SLC4A10: variants seen among roughly 807,000 people sequenced by gnomAD.
SLC4A10 encodes the protein sodium-driven chloride bicarbonate exchanger.
In SLC4A10, 42 loss-of-function variants were observed where a neutral mutation model predicts 137.7. That is an observed-to-expected ratio of 0.30 (90% CI 0.24 to 0.39). The LOEUF (loss-of-function observed/expected upper bound fraction) is 0.39, where lower values mean the gene tolerates loss of function less well. Ranked by LOEUF, SLC4A10 falls within the 10% of genes least tolerant of loss-of-function variation. The probability of loss-of-function intolerance (pLI) is 1.00; values close to 1 mark genes in which losing one functional copy is unlikely to be tolerated. For synonymous variants in SLC4A10, 474 were observed against 464.1 expected (o/e 1.02, Z -0.27); for missense variants, 925 against 1,355.0 (o/e 0.68, Z 4.98).
At chr2:161,695,783 C>CTTAAGT (rs567343137) in intron 1 of SLC4A10, among the ~76,000 whole-genome samples, 72 of 152,222 alleles carry the variant, frequency 4.7e-4, no homozygotes, top group African/African-American at 1.7e-3. Flanking sequence ...TTAAGAGCTT[C>CTTAAGT]TTAATAGGCT....
intron 3 of SLC4A10, among the ~76,000 whole-genome samples, chr2:161,822,377 G>A (rs1381231319): frequency 6.6e-6 from 1 of 152,184 alleles, no homozygotes; most frequent in East Asian, 1.9e-4. Flanking sequence ...AAGTGATTGG[G>A]TAGTCAGAAC....
Position 161,862,264 on chromosome 2 carries a change from G to A in SLC4A10, c.578-610G>A, listed in dbSNP as rs148408511. Among the ~76,000 whole-genome samples, 651 of 152,100 alleles carry A rather than the reference G, an allele frequency of 4.3e-3. 5 individuals are homozygous for A. The highest frequency in any genetic ancestry group is 4.7e-3 in the Non-Finnish European group (320 of 67,990). On this transcript the variant is annotated intron_variant, in intron 5 of 26. Coordinates refer to ENST00000446997, the MANE Select transcript of SLC4A10 (RefSeq NM_001178015.2). The stretch of plus-strand genomic sequence containing the variant: ...GTGTTTCCAGCAAAGTTTGAGAAAG[G>A]GCTGATTTTCTATCCATATGAAACA...
chr2:161,794,335 C>T lies in SLC4A10; in HGVS notation c.131-10114C>T, dbSNP rs569971870. Among the ~76,000 whole-genome samples the T allele has an allele frequency of 2.0e-3, 302 of 152,126 alleles. 1 individual carries two copies. The highest frequency in any genetic ancestry group is 6.9e-3 in the African/African-American group (287 of 41,552). Reference sequence around the variant, plus strand: ...AGCATAGTGCCTATAGCTAAAAATACTGTATCGTATACTTAAAATCTTCCA... The same window carrying T: ...AGCATAGTGCCTATAGCTAAAAATATTGTATCGTATACTTAAAATCTTCCA... On this transcript the variant is annotated intron_variant, in intron 2 of 26. Coordinates refer to ENST00000446997, the MANE Select transcript of SLC4A10 (RefSeq NM_001178015.2).
rs187395288 is a variant in SLC4A10, at chr2:161,821,657, T to C, written c.277+17062T>C. On this transcript the variant is annotated intron_variant, in intron 3 of 26. Coordinates refer to ENST00000446997, the MANE Select transcript of SLC4A10 (RefSeq NM_001178015.2). ...AACAATTTTTAACAGGAAGATTTTT[T>C]CTGATTTTGATAGTACTGCAATTTA... Among the ~76,000 whole-genome samples, 19 of 152,334 alleles carry C rather than the reference T, an allele frequency of 1.2e-4. No individual in the cohort carries two copies. In the East Asian group the frequency reaches 3.3e-3, roughly 26 times the overall value.
intron 1 of SLC4A10, among the ~76,000 whole-genome samples, chr2:161,652,900 G>A (rs1014844076): frequency 3.3e-5 from 5 of 150,174 alleles, no homozygotes; most frequent in African/African-American, 9.8e-5. Context: ...TGTGCATAAC[G>A]TGCAGGTTTG....
At chr2:161,981,808 T>C (rs949810296) in intron 26 of SLC4A10, among the ~76,000 whole-genome samples, 6 of 152,192 alleles carry the variant, frequency 3.9e-5, no homozygotes, top group African/African-American at 1.4e-4. Context: ...GTAAGTAGTA[T>C]GTGCTGAGAA....
intron 1 of SLC4A10, among the ~76,000 whole-genome samples, chr2:161,735,944 A>G (rs958162980): frequency 3.9e-5 from 6 of 152,202 alleles, no homozygotes; most frequent in Non-Finnish European, 8.8e-5. Context: ...TTGTCTGACC[A>G]GTATATGCAG....
chr2:161,638,651 T>A (rs2034815563), intron 1 of SLC4A10, among the ~76,000 whole-genome samples: 1 of 152,140 alleles, frequency 6.6e-6, no homozygotes, highest in Non-Finnish European at 1.5e-5. Flanking sequence ...TTTCTGTTTT[T>A]GTGAAGACTG....
intron 1 of SLC4A10, among the ~76,000 whole-genome samples, chr2:161,671,129 C>T (rs372324087): frequency 6.6e-6 from 1 of 152,086 alleles, no homozygotes; most frequent in African/African-American, 2.4e-5. Flanking sequence ...AAGGTGGCGC[C>T]TTTAAGAGAT....
chr2:161,641,597 A>G (rs2035332741), intron 1 of SLC4A10, among the ~76,000 whole-genome samples: 1 of 152,112 alleles, frequency 6.6e-6, no homozygotes, highest in Non-Finnish European at 1.5e-5. Context: ...TGTATTGTGA[A>G]TATAGTAGTA....
At chr2:161,685,808 T>C (rs1320721533) in intron 1 of SLC4A10, among the ~76,000 whole-genome samples, 1 of 152,162 alleles carries the variant, frequency 6.6e-6, no homozygotes, top group Non-Finnish European at 1.5e-5. Flanking sequence ...AGCTGTATCA[T>C]CCAAGGTTAT....
chr2:161,906,826 G>A (rs191064378), intron 15 of SLC4A10, among the ~76,000 whole-genome samples: 10 of 152,040 alleles, frequency 6.6e-5, no homozygotes, highest in Admixed American at 2.0e-4. Flanking sequence ...AGGCCGAGGC[G>A]GGCGGATCAC....
At chr2:161,941,024 G>A (rs556460566) in intron 15 of SLC4A10, among the ~76,000 whole-genome samples, 1 of 152,238 alleles carries the variant, frequency 6.6e-6, no homozygotes, top group South Asian at 2.1e-4. Flanking sequence ...TTATGTCCCA[G>A]GACATTGTAA....
chr2:161,980,575 C>T (rs761207764), intron 26 of SLC4A10, among the ~76,000 whole-genome samples: 1 of 151,970 alleles, frequency 6.6e-6, no homozygotes, highest in African/African-American at 2.4e-5. Context: ...CTTCAACCTG[C>T]GACGTGGAGG....
intron 9 of SLC4A10, among the ~76,000 whole-genome samples, chr2:161,880,413 A>G (rs2061693785): frequency 6.6e-6 from 1 of 152,210 alleles, no homozygotes; most frequent in Admixed American, 6.6e-5. Flanking sequence ...GGAACAGCAC[A>G]GCCAGGAGAG....
chr2:161,926,926 C>A (rs1689255723), intron 15 of SLC4A10, among the ~76,000 whole-genome samples: 1 of 151,944 alleles, frequency 6.6e-6, no homozygotes, highest in South Asian at 2.1e-4. Context: ...GCTGAGAGAT[C>A]CGCTGTTAGT....
intron 5 of SLC4A10, among the ~76,000 whole-genome samples, chr2:161,856,512 A>G (rs1329507319): frequency 6.6e-6 from 1 of 152,040 alleles, no homozygotes; most frequent in African/African-American, 2.4e-5. Context: ...ATAAAGTTAA[A>G]CATAAATGTA....
At chr2:161,748,840 G>T (rs905718370) in intron 1 of SLC4A10, among the ~76,000 whole-genome samples, 1 of 151,946 alleles carries the variant, frequency 6.6e-6, no homozygotes, top group Non-Finnish European at 1.5e-5. Context: ...TTTGATAGGG[G>T]TTGTGTTGAA....
chr2:161,859,618 T>G (rs1319407115), intron 5 of SLC4A10, among the ~76,000 whole-genome samples: 4 of 105,380 alleles, frequency 3.8e-5, no homozygotes, highest in Admixed American at 3.8e-4. Flanking sequence ...TTTTTTTTTT[T>G]GAGGCGGAGT....
Sources: gnomAD v4.1 joint callset for allele counts (sites outside exome capture counted in the v4.1 genomes callset) on GRCh38, gnomAD v4.1.1 for gene constraint, MANE v1.5 for transcripts, NCBI Gene and HGNC (gene_info 2026-07-23, HGNC 2026-07-21) for gene names.